C12orf42: variants seen among roughly 807,000 people sequenced by gnomAD.
C12orf42 encodes the protein chromosome 12 open reading frame 42, also known as uncharacterized protein C12orf42.
A neutral mutation model predicts 21.6 loss-of-function variants in C12orf42; 25 were observed. The ratio of observed to expected loss-of-function variants is 1.16; its 90% CI spans 0.84 to 1.62. The LOEUF (loss-of-function observed/expected upper bound fraction) is 1.62. Ranked by LOEUF, C12orf42 falls within the 40% of genes most tolerant of loss-of-function variation. The pLI is 0.00. For missense variants in C12orf42, 483 were observed against 459.3 expected (o/e 1.05, Z -0.47); for synonymous variants, 174 against 175.0 (o/e 0.99, Z 0.05).
At chr12:103,367,743 T>C (rs2044745675) in intron 4 of C12orf42, among the ~76,000 whole-genome samples, 1 of 151,990 alleles carries the variant, frequency 6.6e-6, no homozygotes. Context: ...ATATTTTTAG[T>C]TTTTGAACCA....
chr12:103,495,109 T>C (rs903315487), intron 1 of C12orf42, among the ~76,000 whole-genome samples: 1 of 151,412 alleles, frequency 6.6e-6, no homozygotes, highest in African/African-American at 2.4e-5. Flanking sequence ...CAAGATTCAA[T>C]ATTAAATGCC....
chr12:103,519,246 C>T, the C12orf42 span, among the ~76,000 whole-genome samples: 1 of 152,116 alleles, frequency 6.6e-6, no homozygotes, highest in Non-Finnish European at 1.5e-5. Context: ...AACCATTTAC[C>T]TTTATAAATC....
chr12:103,522,497 A>G, the C12orf42 span, among the ~76,000 whole-genome samples: 1 of 151,974 alleles, frequency 6.6e-6, no homozygotes, highest in African/African-American at 2.4e-5. Flanking sequence ...CTCATCTCTC[A>G]TGGCTCTCCA....
intron 3 of C12orf42, chr12:103,396,546 T>C (rs988195138): frequency 6.6e-5 from 10 of 152,224 alleles, no homozygotes; most frequent in Non-Finnish European, 1.5e-4. Context: ...TATAAGTATA[T>C]GAGATATGGG....
chr12:103,077,450 G>A, the C12orf42 span, among the ~76,000 whole-genome samples: 1 of 152,152 alleles, frequency 6.6e-6, no homozygotes, highest in African/African-American at 2.4e-5. Context: ...GCTTATAGAT[G>A]GGGAAACCAA....
At chr12:103,554,681 G>T in the C12orf42 span, among the ~76,000 whole-genome samples, 1 of 152,150 alleles carries the variant, frequency 6.6e-6, no homozygotes, top group African/African-American at 2.4e-5. Flanking sequence ...AAGGTGAAGG[G>T]GAAACAGGCA....
At chr12:103,287,870 TTA>T (rs1280916865) in intron 4 of C12orf42, among the ~76,000 whole-genome samples, 1 of 152,012 alleles carries the variant, frequency 6.6e-6, no homozygotes, top group African/African-American at 2.4e-5. Context: ...GAAAGTTTTG[TTA>T]CATTGCTTCT....
intron 2 of C12orf42, among the ~76,000 whole-genome samples, chr12:103,404,263 G>A (rs949949377): frequency 2.0e-5 from 3 of 152,168 alleles, no homozygotes; most frequent in Admixed American, 2.0e-4. Context: ...TTTTAAGCAA[G>A]ACGAGGAGTC....
intron 10 of C12orf42, among the ~76,000 whole-genome samples, chr12:103,238,985 G>T (rs1186110459): frequency 6.6e-6 from 1 of 152,188 alleles, no homozygotes; most frequent in Non-Finnish European, 1.5e-5. Context: ...CTGTGGCTGG[G>T]CCATTGGGCT....
At chr12:103,234,026 T>C (rs2033389372), downstream of C12orf42, among the ~76,000 whole-genome samples, 1 of 152,210 alleles carries the variant, frequency 6.6e-6, no homozygotes, top group Non-Finnish European at 1.5e-5. Context: ...GAATGGGTAT[T>C]GGATTTTGTC....
intron 3 of C12orf42, among the ~76,000 whole-genome samples, chr12:103,383,245 G>A (rs1340013784): frequency 1.3e-5 from 2 of 151,888 alleles, no homozygotes; most frequent in African/African-American, 4.8e-5. Flanking sequence ...GAGATTACAG[G>A]TGCCTGCCAC....
intron 1 of C12orf42, among the ~76,000 whole-genome samples, chr12:103,483,342 C>A (rs943033117): frequency 6.6e-6 from 1 of 151,924 alleles, no homozygotes; most frequent in African/African-American, 2.4e-5. Context: ...CTACTCTACT[C>A]TCAATTTTGT....
chr12:103,257,901 C>A (rs1221109788), intron 10 of C12orf42, among the ~76,000 whole-genome samples: 4 of 151,422 alleles, frequency 2.6e-5, no homozygotes, highest in African/African-American at 7.3e-5. Flanking sequence ...TGACCAATAT[C>A]AAAAAAAATT....
At chr12:103,072,485 T>C in the C12orf42 span, among the ~76,000 whole-genome samples, 1 of 151,820 alleles carries the variant, frequency 6.6e-6, no homozygotes, top group Non-Finnish European at 1.5e-5. Context: ...ATATAAGAAT[T>C]CCCATGTGTA....
At chr12:103,287,708 T>C (rs1262773098) in intron 4 of C12orf42, among the ~76,000 whole-genome samples, 1 of 111,348 alleles carries the variant, frequency 9.0e-6, no homozygotes, top group Non-Finnish European at 2.0e-5. Context: ...AGTATAATAA[T>C]AAAAAAAAAA....
At chr12:103,292,807 C>G (rs1255847776) in intron 4 of C12orf42, among the ~76,000 whole-genome samples, 1 of 151,872 alleles carries the variant, frequency 6.6e-6, no homozygotes, top group Non-Finnish European at 1.5e-5. Flanking sequence ...GAAAATATAT[C>G]CCTAAATAGT....
chr12:103,182,071 T>C, the C12orf42 span, among the ~76,000 whole-genome samples: 1 of 150,350 alleles, frequency 6.7e-6, no homozygotes, highest in Non-Finnish European at 1.5e-5. Context: ...CTCGTGTTTT[T>C]ATTTTGTTTT....
intron 3 of C12orf42, among the ~76,000 whole-genome samples, chr12:103,381,349 G>A (rs1394203058): frequency 1.3e-5 from 2 of 152,196 alleles, no homozygotes; most frequent in East Asian, 3.8e-4. Flanking sequence ...AAGGATGCAA[G>A]CACAGGGTGA....
the C12orf42 span, among the ~76,000 whole-genome samples, chr12:103,221,516 T>C: frequency 6.6e-6 from 1 of 152,236 alleles, no homozygotes; most frequent in African/African-American, 2.4e-5. Flanking sequence ...AAATTACTTA[T>C]GACTCTGTGT....
Sources: gnomAD v4.1 joint callset for allele counts (sites outside exome capture counted in the v4.1 genomes callset) on GRCh38, gnomAD v4.1.1 for gene constraint, MANE v1.5 for transcripts, NCBI Gene and HGNC (gene_info 2026-07-23, HGNC 2026-07-21) for gene names.